PCDH9: variants seen among roughly 807,000 people sequenced by gnomAD.
PCDH9 encodes the protein protocadherin 9, also known as protocadherin-9.
Under a neutral mutation model 70.6 loss-of-function variants are expected in PCDH9, and 24 were observed. The ratio of observed to expected loss-of-function variants is 0.34; its 90% confidence interval spans 0.25 to 0.48. The LOEUF (loss-of-function observed/expected upper bound fraction) is 0.48. PCDH9 is among the 20% of genes least tolerant of loss of function. The pLI, the probability that PCDH9 is intolerant of heterozygous loss-of-function variation, is 0.99. For missense variants in PCDH9, 1,281 were observed against 1,503.6 expected, an observed-to-expected ratio of 0.85 and a Z score of 2.45; for synonymous variants, 562 against 558.5, an observed-to-expected ratio of 1.01 and a Z score of -0.09.
intron 3 of PCDH9, among the ~76,000 whole-genome samples, chr13:66,776,001 GC>G (rs1444423669): frequency 6.6e-6 from 1 of 152,060 alleles, no homozygotes; most frequent in Non-Finnish European, 1.5e-5. Context: ...AACTGCTTCT[GC>G]TTTTGTCTCA....
chr13:67,226,825 A>C lies in PCDH9; in HGVS notation c.1616T>G (p.Ile539Ser), dbSNP rs2089886703. The change falls in exon 2 of 5, where the codon ATT becomes AGT. Residue 539 changes from isoleucine (I) to serine (S), a missense_variant. Coordinates refer to ENST00000377865, the MANE Select transcript of PCDH9 (RefSeq NM_203487.3). The surrounding 1 kb of genome is among the most constrained non-coding windows in gnomAD (Gnocchi z 5.0). ...VFDREEQERF[I>S]FTVTARDNGT... Reference sequence around the variant, plus strand: ...ATTGTCCCTGGCAGTTACTGTAAAAATGAATCGTTCTTGTTCTTCTCTGTC... The same window carrying C: ...ATTGTCCCTGGCAGTTACTGTAAAACTGAATCGTTCTTGTTCTTCTCTGTC... 3 of 1,613,982 alleles carry C rather than the reference A, an allele frequency of 1.9e-6. No homozygotes were observed. In the East Asian group the frequency reaches 6.7e-5, roughly 36 times the overall value.
chr13:66,306,225 A>G (rs555823738), intron 4 of PCDH9: 2 of 152,058 alleles, frequency 1.3e-5, no homozygotes, highest in Non-Finnish European at 2.9e-5. Context: ...ATTGGAATGT[A>G]GGTCTTTGCT....
At chr13:66,757,622 C>T (rs9529136) in intron 3 of PCDH9, among the ~76,000 whole-genome samples, 12,371 of 151,926 alleles carry the variant, frequency 0.081, 511 homozygotes, top group East Asian at 0.14. Context: ...ATGTCACATA[C>T]GATATAGAGC....
intron 3 of PCDH9, among the ~76,000 whole-genome samples, chr13:66,816,798 A>G (rs1357399471): frequency 1.3e-5 from 2 of 151,932 alleles, no homozygotes; most frequent in African/African-American, 4.8e-5. Flanking sequence ...CATGCACAAT[A>G]TTTTAAATCC....
intron 2 of PCDH9, among the ~76,000 whole-genome samples, chr13:66,991,560 A>G (rs1392997476): frequency 6.6e-6 from 1 of 152,114 alleles, no homozygotes; most frequent in Non-Finnish European, 1.5e-5. Context: ...TTATTAATTC[A>G]GTTTTCTTCA....
At chr13:67,104,067 T>C (rs779737826) in intron 2 of PCDH9, among the ~76,000 whole-genome samples, 2 of 152,162 alleles carry the variant, frequency 1.3e-5, no homozygotes, top group Non-Finnish European at 2.9e-5. Flanking sequence ...AAGCTTTGTA[T>C]TCCTCTCTCA....
chr13:66,821,735 T>C lies in PCDH9; in HGVS notation c.3138+81769A>G, dbSNP rs190596860. Among the ~76,000 whole-genome samples, 15 of 152,304 alleles carry C rather than the reference T, an allele frequency of 9.8e-5. No individual in the cohort carries two copies. In the East Asian group the frequency reaches 2.5e-3, roughly 25 times the overall value. On this transcript the variant is annotated intron_variant, in intron 3 of 4. Coordinates refer to ENST00000377865, the MANE Select transcript of PCDH9 (RefSeq NM_203487.3). ...TTAATTGTTTCATACGAAATCATTA[T>C]TCTTATGCAAGGATTCCTGTGGTTC...
chr13:66,440,891 T>G (rs1318406729), intron 4 of PCDH9, among the ~76,000 whole-genome samples: 1 of 152,152 alleles, frequency 6.6e-6, no homozygotes, highest in African/African-American at 2.4e-5. Flanking sequence ...CTGTCTTGTT[T>G]TCAAAATATG....
At chr13:66,844,149 G>A (rs1160984303) in intron 3 of PCDH9, among the ~76,000 whole-genome samples, 4 of 151,846 alleles carry the variant, frequency 2.6e-5, no homozygotes, top group African/African-American at 7.3e-5. Flanking sequence ...TTCAAATTAC[G>A]ATTTAATCCT....
At chr13:66,604,683 T>C (rs1324466654) in intron 4 of PCDH9, among the ~76,000 whole-genome samples, 1 of 152,136 alleles carries the variant, frequency 6.6e-6, no homozygotes, top group Non-Finnish European at 1.5e-5. Flanking sequence ...AGCTATTTTA[T>C]TTAATGAGAA....
chr13:66,794,648 C>T (rs1408258104), intron 3 of PCDH9, among the ~76,000 whole-genome samples: 1 of 152,132 alleles, frequency 6.6e-6, no homozygotes, highest in Non-Finnish European at 1.5e-5. Flanking sequence ...GGAAGAATGG[C>T]TGGCAGTAAT....
chr13:66,622,231 C>T (rs548452956), intron 4 of PCDH9, among the ~76,000 whole-genome samples: 18 of 152,322 alleles, frequency 1.2e-4, no homozygotes, highest in South Asian at 2.1e-4. Context: ...GAGCCTCCCC[C>T]GCTCCGTGGG....
chr13:66,417,721 T>A (rs1957486088), intron 4 of PCDH9, among the ~76,000 whole-genome samples: 1 of 152,212 alleles, frequency 6.6e-6, no homozygotes. Flanking sequence ...AGATAGTATC[T>A]CACTGTGGTT....
intron 3 of PCDH9, among the ~76,000 whole-genome samples, chr13:66,692,048 T>C (rs1252108679): frequency 6.6e-6 from 1 of 152,194 alleles, no homozygotes; most frequent in East Asian, 1.9e-4. Flanking sequence ...TTTACAACTT[T>C]ACACATGGTG....
intron 4 of PCDH9, among the ~76,000 whole-genome samples, chr13:66,621,368 G>A (rs1226678016): frequency 6.6e-6 from 1 of 152,154 alleles, no homozygotes; most frequent in Non-Finnish European, 1.5e-5. Context: ...ACCTCTAAGA[G>A]CTGAAGGCAA....
chr13:66,337,490 A>G (rs1356306932), intron 4 of PCDH9, among the ~76,000 whole-genome samples: 1 of 151,984 alleles, frequency 6.6e-6, no homozygotes, highest in Non-Finnish European at 1.5e-5. Context: ...TTGTCTCAAA[A>G]CTGGTTAATC....
chr13:67,161,249 A>C (rs3013644), intron 2 of PCDH9, among the ~76,000 whole-genome samples: 5,004 of 152,336 alleles, frequency 0.033, 269 homozygotes, highest in African/African-American at 0.11. Flanking sequence ...GAAACAAAGC[A>C]TATGCAAACA....
chr13:66,549,915 C>T (rs1961404157), intron 4 of PCDH9, among the ~76,000 whole-genome samples: 1 of 151,732 alleles, frequency 6.6e-6, no homozygotes, highest in African/African-American at 2.4e-5. Flanking sequence ...GGACTCATGG[C>T]CAAAATAATA....
chr13:66,368,731 A>G (rs973001750), intron 4 of PCDH9, among the ~76,000 whole-genome samples: 8 of 152,032 alleles, frequency 5.3e-5, no homozygotes, highest in Non-Finnish European at 1.2e-4. Context: ...GGCAATTTAC[A>G]AAATAAAGAG....
Sources: gnomAD v4.1 joint callset for allele counts (sites outside exome capture counted in the v4.1 genomes callset) on GRCh38, gnomAD v4.1.1 for gene constraint, Gnocchi (gnomAD v3.1) non-coding constraint, MANE v1.5 for transcripts, NCBI Gene and HGNC (gene_info 2026-07-23, HGNC 2026-07-21) for gene names.